GOLM2: variants seen among roughly 807,000 people sequenced by gnomAD.
GOLM2 encodes golgi membrane protein 2.
In GOLM2, 26 loss-of-function variants were observed where a neutral mutation model predicts 55.9. That is an observed-to-expected ratio of 0.47 (90% CI 0.34 to 0.65). The LOEUF is 0.65. Ranked by LOEUF, GOLM2 falls within the 30% of genes least tolerant of loss-of-function variation. The pLI is 0.01. For synonymous variants in GOLM2, 165 were observed against 194.6 expected (o/e 0.85, Z 1.27); for missense variants, 486 against 531.8 (o/e 0.91, Z 0.85).
chr15:44,332,986 G>T (rs2079032348), intron 4 of GOLM2, among the ~76,000 whole-genome samples: 1 of 152,140 alleles, frequency 6.6e-6, no homozygotes, highest in African/African-American at 2.4e-5. Flanking sequence ...CAGCTAGAGT[G>T]CAGTGGCGTG....
chr15:44,379,555 A>G, intron 6 of GOLM2, 135 bp from the exon 7 acceptor site: 1 of 629,662 alleles, frequency 1.6e-6, no homozygotes. Flanking sequence ...CATACCAACT[A>G]TAAGGATTAC....
At chr15:44,290,461 A>G (rs1385246736) in intron 1 of GOLM2, among the ~76,000 whole-genome samples, 1 of 152,198 alleles carries the variant, frequency 6.6e-6, no homozygotes, top group Non-Finnish European at 1.5e-5. Context: ...GACAGCCTCT[A>G]CCTGGCTTTC....
At chr15:44,294,467 C>T (rs977462856) in intron 1 of GOLM2, among the ~76,000 whole-genome samples, 2 of 152,080 alleles carry the variant, frequency 1.3e-5, no homozygotes, top group African/African-American at 4.8e-5. Context: ...GTAATCCCAG[C>T]ACTTTGGGAG....
At chr15:44,338,528 CT>C (rs1020454859) in intron 6 of GOLM2, among the ~76,000 whole-genome samples, 8 of 152,120 alleles carry the variant, frequency 5.3e-5, no homozygotes, top group African/African-American at 1.7e-4. Context: ...TTGTTTTTGC[CT>C]TGATAAGAAT....
At chr15:44,330,995 G>A (rs1021961304) in intron 3 of GOLM2, among the ~76,000 whole-genome samples, 1 of 151,934 alleles carries the variant, frequency 6.6e-6, no homozygotes, top group Admixed American at 6.6e-5. Context: ...GAAGTTGGTG[G>A]GTTTTTTTGT....
chr15:44,376,994 T>C (rs2079369059), intron 6 of GOLM2, among the ~76,000 whole-genome samples: 1 of 152,024 alleles, frequency 6.6e-6, no homozygotes, highest in Non-Finnish European at 1.5e-5. Context: ...GAAATCAAAG[T>C]GTTTACAGGA....
intron 1 of GOLM2, among the ~76,000 whole-genome samples, chr15:44,300,041 A>G (rs1279720564): frequency 6.6e-6 from 1 of 150,386 alleles, no homozygotes; most frequent in Non-Finnish European, 1.5e-5. Flanking sequence ...TTGAAGCTGC[A>G]GGGAGCTATG....
chr15:44,413,135 T>C (rs2079649772), intron 9 of GOLM2, among the ~76,000 whole-genome samples: 1 of 152,212 alleles, frequency 6.6e-6, no homozygotes, highest in African/African-American at 2.4e-5. Context: ...TTTCTAAAGA[T>C]TTGTTAAAAT....
chr15:44,352,184 T>C (rs551641549), intron 6 of GOLM2, among the ~76,000 whole-genome samples: 3 of 152,302 alleles, frequency 2.0e-5, no homozygotes, highest in East Asian at 3.9e-4. Context: ...TACAGAGCCG[T>C]AGTAACCAAA....
intron 1 of GOLM2, among the ~76,000 whole-genome samples, chr15:44,316,890 G>C: frequency 6.6e-6 from 1 of 152,214 alleles, no homozygotes; most frequent in African/African-American, 2.4e-5. Flanking sequence ...GGAGGCTAAG[G>C]TGGGAGGATC....
At chr15:44,399,769 C>A (rs892628462) in intron 8 of GOLM2, among the ~76,000 whole-genome samples, 1 of 151,928 alleles carries the variant, frequency 6.6e-6, no homozygotes, top group African/African-American at 2.4e-5. Flanking sequence ...CCGAGGCGGG[C>A]GGATCACCTG....
chr15:44,381,456 A>G (rs1022692679), intron 8 of GOLM2, among the ~76,000 whole-genome samples: 17 of 152,270 alleles, frequency 1.1e-4, no homozygotes, highest in African/African-American at 4.1e-4. Flanking sequence ...TTTAGATGTT[A>G]GAAGTATAAG....
Position 44,380,815 on chromosome 15 carries a change from T to C in GOLM2, c.911T>C (p.Ile304Thr). Residue 304 changes from isoleucine to threonine, a missense_variant, in exon 8 of 10, where the codon ATA becomes ACA. Ile to Thr is a moderately conservative substitution (Grantham distance 89, BLOSUM62 -1). Transcript: ENST00000299957. The stretch of plus-strand genomic sequence containing the variant: ...TGTTTTTATGCCACAGATTCACACA[T>C]AAACCACAATGGAAACCCCGGTACT... The part of the protein sequence containing the change: ...LSPNMPPDSH[I>T]NHNGNPGTSK... 1.3e-6 allele frequency: 2 copies of C among 1,537,950 alleles called. No homozygotes were observed. Among genetic ancestry groups the C allele is most frequent in the Non-Finnish European group, 1.7e-6 (2 of 1,143,734 alleles).
rs1484949089 is a variant in GOLM2, at chr15:44,301,031, T to G, written c.327+11675T>G. ...CTTCAAAACTTACATCCACGAAGCTTTTTCTATTTAATATAAAATGATTTG... is the reference window on the plus strand; with the variant it reads ...CTTCAAAACTTACATCCACGAAGCTGTTTCTATTTAATATAAAATGATTTG... On this transcript the variant is annotated intron_variant, in intron 1 of 9. Transcript: ENST00000299957. Among the ~76,000 whole-genome samples the G allele has an allele frequency of 1.3e-5, 2 of 152,206 alleles. 1 individual carries two copies. Among genetic ancestry groups the G allele is most frequent in the Admixed American group, 1.3e-4 (2 of 15,276 alleles).
chr15:44,369,095 A>ATACATATTATATATATATATATATATG, intron 6 of GOLM2, among the ~76,000 whole-genome samples: 1 of 91,496 alleles, frequency 1.1e-5, no homozygotes, highest in Non-Finnish European at 2.3e-5. Flanking sequence ...ATATATATAT[A>ATACATATTATATATATATATATATATG]TATATATATA....
intron 1 of GOLM2, among the ~76,000 whole-genome samples, chr15:44,314,543 G>C (rs2141123232): frequency 1.4e-5 from 2 of 147,128 alleles, no homozygotes; most frequent in South Asian, 4.3e-4. Context: ...TGGGCAATAA[G>C]AGTGAAACTC....
At chr15:44,380,313 A>C (rs2079393173) in intron 7 of GOLM2, among the ~76,000 whole-genome samples, 1 of 152,140 alleles carries the variant, frequency 6.6e-6, no homozygotes, top group Non-Finnish European at 1.5e-5. Context: ...AAAGTCATTG[A>C]TGAGGATAAA....
chr15:44,348,727 C>T (rs1339492720), intron 6 of GOLM2: 1 of 152,230 alleles, frequency 6.6e-6, no homozygotes, highest in Non-Finnish European at 1.5e-5. Context: ...GTATTGGCTT[C>T]AGGTCTAACC....
chr15:44,369,094 T>TATATATATAGATATAG (rs1216521979), intron 6 of GOLM2, among the ~76,000 whole-genome samples: 2 of 90,596 alleles, frequency 2.2e-5, no homozygotes, highest in African/African-American at 8.2e-5. Flanking sequence ...TATATATATA[T>TATATATATAGATATAG]ATATATATAT....
Sources: allele counts gnomAD v4.1 joint callset (sites outside exome capture counted in the v4.1 genomes callset), GRCh38; gene constraint gnomAD v4.1.1; transcripts MANE v1.5; gene names NCBI Gene and HGNC (gene_info 2026-07-23, HGNC 2026-07-21).